LARGE1: variants seen among roughly 807,000 people sequenced by gnomAD.
LARGE1 encodes the protein xylosyl- and glucuronyltransferase LARGE1.
LARGE1 carries 43 observed loss-of-function variants against 87.6 expected under a neutral mutation model. The ratio of observed to expected loss-of-function variants is 0.49; its 90% CI spans 0.38 to 0.63. The LOEUF (loss-of-function observed/expected upper bound fraction) is 0.63. Among genes scored for constraint, LARGE1 ranks in the 30% least tolerant of loss-of-function variants. The probability of loss-of-function intolerance (pLI) is 0.00; values close to 1 mark genes in which losing one functional copy is unlikely to be tolerated. For synonymous variants in LARGE1, 434 were observed against 394.6 expected, an observed-to-expected ratio of 1.10 and a Z score of -1.18; for missense variants, 802 against 1,000.2, an observed-to-expected ratio of 0.80 and a Z score of 2.67.
In LARGE1 at chr22:33,201,375, GAAGA is replaced by G. The variant is rs1446468211; in HGVS notation, c.1731-34547_1731-34544del. Among the ~76,000 whole-genome samples the G allele has an allele frequency of 4.0e-5, 6 of 149,490 alleles. 1 individual carries two copies. In the South Asian group the frequency reaches 6.4e-4, roughly 16 times the overall value. On this transcript the variant is annotated intron_variant, in intron 11 of 11. Coordinates refer to the LARGE1 transcript ENST00000608642. ...GAGAAAGAGAGAGAGAGGAAGGAAG[GAAGA>G]AAGAAAGGAAAGAAGGAGAGAAGGA...
intron 9 of LARGE1, among the ~76,000 whole-genome samples, chr22:33,373,645 T>A (rs1449975361): frequency 7.1e-6 from 1 of 141,722 alleles, no homozygotes; most frequent in Non-Finnish European, 1.5e-5. Flanking sequence ...ACTGTTTTTT[T>A]TCCCCCAGTT....
intron 6 of LARGE1, among the ~76,000 whole-genome samples, chr22:33,560,088 G>C (rs2077810672): frequency 6.6e-6 from 1 of 152,164 alleles, no homozygotes; most frequent in African/African-American, 2.4e-5. Flanking sequence ...TTCAAAGTTA[G>C]ACTGTTTGGG....
Position 33,568,766 on chromosome 22 carries a change from C to CAAA in LARGE1, c.616-3750_616-3748dup, listed in dbSNP as rs57651807. 2.3e-4 allele frequency among the ~76,000 whole-genome samples: 21 copies of CAAA among 92,766 alleles called. 1 individual carries two copies. The South Asian group carries it at 3.6e-3, about 16-fold the overall frequency. The allele number at this position is 92,766 out of a possible 152,430, so 60.9% of individuals were successfully genotyped here. A position where few individuals can be genotyped will look rare whatever the true frequency, so the allele number is the denominator to read the frequency against. On this transcript the variant is annotated intron_variant, in intron 5 of 14. Coordinates refer to ENST00000397394, the MANE Select transcript of LARGE1 (RefSeq NM_133642.5). ...GGGCAACAAAAGCGAAACTCAGTCT[C>CAAA]AAAAAAAAAAAAAAAAAAATAAGCA...
At chr22:33,863,898 A>T (rs550478739) in intron 1 of LARGE1, among the ~76,000 whole-genome samples, 1 of 152,326 alleles carries the variant, frequency 6.6e-6, no homozygotes, top group Admixed American at 6.5e-5. Context: ...GCCTGCTCCC[A>T]TTGGACTGCA....
rs758009872 is a variant in LARGE1 at position 33,822,591 on chromosome 22, G to A, written c.-82-61033C>T. 5.3e-5 allele frequency among the ~76,000 whole-genome samples: 8 copies of A among 152,082 alleles called. No individual in the cohort carries two copies. In the South Asian group the frequency reaches 8.3e-4, roughly 16 times the overall value. On this transcript the variant is annotated intron_variant, in intron 1 of 14. Transcript: ENST00000397394. ...CAGACGTCTGTAATCCCAGCTACTC[G>A]GGAGGCTGAGGCAAGAGAATGACTT...
At chr22:33,083,702 G>A in the LARGE1 span, among the ~76,000 whole-genome samples, 1 of 152,298 alleles carries the variant, frequency 6.6e-6, no homozygotes, top group East Asian at 1.9e-4. Context: ...GAATGAGGGA[G>A]GACTGTCTCT....
intron 1 of LARGE1, among the ~76,000 whole-genome samples, chr22:33,904,662 C>T (rs1339855571): frequency 2.0e-5 from 3 of 152,256 alleles, no homozygotes; most frequent in Non-Finnish European, 2.9e-5. Flanking sequence ...CCCTGCCTGA[C>T]GCTGCCCTCG....
chr22:33,679,461 C>A lies in LARGE1; in HGVS notation c.107-28793G>T, dbSNP rs925757277. Among the ~76,000 whole-genome samples, 4 of 150,246 alleles carry A rather than the reference C, an allele frequency of 2.7e-5. No homozygotes were observed. In the East Asian group the frequency reaches 5.8e-4, roughly 22 times the overall value. On this transcript the variant is annotated intron_variant, in intron 2 of 14. Coordinates refer to ENST00000397394, the MANE Select transcript of LARGE1 (RefSeq NM_133642.5). ...TAAAGGGGAAATTTGGGGACAGACA[C>A]ACACACGCACACACACACACACACA...
intron 1 of LARGE1, among the ~76,000 whole-genome samples, chr22:33,783,262 T>G (rs1302157602): frequency 6.6e-6 from 1 of 152,078 alleles, no homozygotes; most frequent in Admixed American, 6.5e-5. Context: ...AAGAGCAGTT[T>G]GAGATTATAG....
At chr22:33,743,234 C>T (rs1204766514) in intron 2 of LARGE1, 3 of 152,018 alleles carry the variant, frequency 2.0e-5, no homozygotes, top group African/African-American at 7.2e-5. Flanking sequence ...TATAAATTAC[C>T]CAGCCTTAGG....
chr22:33,443,881 G>A (rs1398029151), intron 6 of LARGE1, among the ~76,000 whole-genome samples: 1 of 152,260 alleles, frequency 6.6e-6, no homozygotes, highest in Non-Finnish European at 1.5e-5. Flanking sequence ...ACGCATGGCT[G>A]CCGCCACCTC....
chr22:33,217,314 A>G (rs531982763), intron 11 of LARGE1, among the ~76,000 whole-genome samples: 1 of 152,214 alleles, frequency 6.6e-6, no homozygotes, highest in East Asian at 1.9e-4. Context: ...CTTATGATAA[A>G]TATTCATTCT....
chr22:33,310,530 T>C (rs1337233014), intron 11 of LARGE1, among the ~76,000 whole-genome samples: 1 of 152,126 alleles, frequency 6.6e-6, no homozygotes, highest in Non-Finnish European at 1.5e-5. Flanking sequence ...TGAACGGAAT[T>C]CCAGAGGGAG....
chr22:33,262,139 T>C (rs1372471212), intron 11 of LARGE1, among the ~76,000 whole-genome samples: 1 of 152,200 alleles, frequency 6.6e-6, no homozygotes, highest in Non-Finnish European at 1.5e-5. Flanking sequence ...TCCTTTTTTA[T>C]AGGTGAGCAA....
chr22:33,214,495 T>C (rs1263074509), intron 11 of LARGE1, among the ~76,000 whole-genome samples: 1 of 152,076 alleles, frequency 6.6e-6, no homozygotes, highest in Non-Finnish European at 1.5e-5. Flanking sequence ...AATAAAAAAA[T>C]TCCTCTCCTT....
intron 11 of LARGE1, among the ~76,000 whole-genome samples, chr22:33,195,306 G>A (rs932591889): frequency 2.6e-5 from 4 of 152,098 alleles, no homozygotes; most frequent in African/African-American, 9.7e-5. Context: ...GCAGAGAAAC[G>A]ATCTGAACAT....
chr22:33,503,109 TG>T (rs2070558336), intron 6 of LARGE1, among the ~76,000 whole-genome samples: 1 of 152,182 alleles, frequency 6.6e-6, no homozygotes, highest in Non-Finnish European at 1.5e-5. Flanking sequence ...GATGAGTTGC[TG>T]AACTAGAATA....
At chr22:33,535,065 AG>A (rs1299569531) in intron 6 of LARGE1, among the ~76,000 whole-genome samples, 6 of 152,320 alleles carry the variant, frequency 3.9e-5, no homozygotes, top group African/African-American at 1.2e-4. Context: ...TCTTGTCTGG[AG>A]GACAGAAAAC....
At chr22:33,909,530 T>TGTTTTTG (rs1555891766) in intron 1 of LARGE1, among the ~76,000 whole-genome samples, 1 of 150,890 alleles carries the variant, frequency 6.6e-6, no homozygotes, top group African/African-American at 2.5e-5. Flanking sequence ...TTGTTTTTTT[T>TGTTTTTG]TTTTTGTTTT....
Sources: gnomAD v4.1 joint callset for allele counts (sites outside exome capture counted in the v4.1 genomes callset) on GRCh38, gnomAD v4.1.1 for gene constraint, MANE v1.5 for transcripts, NCBI Gene and HGNC (gene_info 2026-07-23, HGNC 2026-07-21) for gene names.